The following SEMA3B variants were observed in gnomAD, a reference collection of about 807,000 sequenced individuals.
SEMA3B encodes the protein semaphorin-3B.
SEMA3B carries 71 observed loss-of-function variants against 77.8 expected under a neutral mutation model. That is an observed-to-expected ratio of 0.91 (90% CI 0.75 to 1.11). The LOEUF (loss-of-function observed/expected upper bound fraction) is 1.11. Among genes scored for constraint, SEMA3B ranks in the 50% most tolerant of loss-of-function variants. SEMA3B has a pLI of 0.00. For synonymous variants in SEMA3B, 470 were observed against 452.9 expected (o/e 1.04, Z -0.48); for missense variants, 968 against 1,056.8 (o/e 0.92, Z 1.17).
chr3:50,271,634 C>T (rs920733085), intron 6 of SEMA3B, among the ~76,000 whole-genome samples, 154 bp downstream of exon 6: 2 of 152,156 alleles, frequency 1.3e-5, no homozygotes, highest in Admixed American at 1.3e-4. Flanking sequence ...ACAGACAAGA[C>T]AGGTATGACC....
rs2109253512 is a variant in SEMA3B, at chr3:50,276,857, C to A, written c.*151C>A. 2 of 904,904 alleles carry A rather than the reference C, an allele frequency of 2.2e-6. No homozygotes were observed. The highest frequency in any genetic ancestry group is 1.8e-5 in the African/African-American group (1 of 56,210). 56.1% of individuals were successfully genotyped at this position (904,904 alleles called of 1,614,324 possible). ...ACCGACAGGCCCTGGCTGAGGGCAGCTGCGCGGGCTTATTTATTAACAGGA... is the reference window on the plus strand; with the variant it reads ...ACCGACAGGCCCTGGCTGAGGGCAGATGCGCGGGCTTATTTATTAACAGGA... On this transcript the variant is annotated 3_prime_UTR_variant, in exon 17 of 17. Coordinates refer to ENST00000616701, the MANE Select transcript of SEMA3B (RefSeq NM_001290060.2). The surrounding 1 kb of genome is among the most constrained non-coding windows in gnomAD (Gnocchi z 5.8).
At chr3:50,268,985 G>A, upstream of SEMA3B, 2 of 557,486 alleles carry the variant, frequency 3.6e-6, no homozygotes, top group South Asian at 4.1e-5. Context: ...CCCTGAGGGT[G>A]TGCCCAGTGG....
chr3:50,268,448 A>C (rs1700956712), upstream of SEMA3B, among the ~76,000 whole-genome samples: 1 of 152,224 alleles, frequency 6.6e-6, no homozygotes, highest in African/African-American at 2.4e-5. Flanking sequence ...AAATATGCAC[A>C]TATCACACAT....
rs782107049 is a variant in SEMA3B, at chr3:50,274,844, C to T, written c.1359C>T (p.Asp453=). The T allele has an allele frequency of 4.3e-6, 7 of 1,610,738 alleles. No homozygotes were observed. The African/African-American group carries it at 8.0e-5, about 18-fold the overall frequency. The change falls in exon 12 of 17, where the codon GAC becomes GAT. Residue 453 remains aspartate (D), a splice_region_variant and synonymous_variant. Transcript: ENST00000616701. The surrounding 1 kb of genome is among the most constrained non-coding windows in gnomAD (Gnocchi z 4.7). ...GHYDVLFIGT[D]VGTVLKVISV... ...CATTACCCCTTCTCATCCCTGCAGA[C>T]GTTGGCACGGTGCTGAAGGTGATCT...
In SEMA3B at chr3:50,274,574, T is replaced by C. The variant is rs1014835515; in HGVS notation, c.1349T>C (p.Ile450Thr). 2.0e-6 allele frequency: 3 copies of C among 1,536,470 alleles called. No homozygotes were observed. The highest frequency in any genetic ancestry group is 1.3e-5 in the South Asian group (1 of 77,480). Reference sequence around the variant, plus strand: ...GACGGACACTATGACGTCCTCTTCATTGGCACAGGTCAGGGTCCCTCCACA... The same window carrying C: ...GACGGACACTATGACGTCCTCTTCACTGGCACAGGTCAGGGTCCCTCCACA... ...AADGHYDVLF[I>T]GTDVGTVLKV... Residue 450 changes from isoleucine (I) to threonine (T), a missense_variant, in exon 11 of 17, where the codon ATT (isoleucine) becomes ACT (threonine). Physicochemically the swap from Ile to Thr is moderately conservative, Grantham distance 89. Transcript: ENST00000616701. The surrounding 1 kb of genome is among the most constrained non-coding windows in gnomAD (Gnocchi z 4.7).
Position 50,273,524 on chromosome 3 carries a change from C to G in SEMA3B, c.811-11C>G, listed in dbSNP as rs782752503. The G allele has an allele frequency of 2.5e-6, 4 of 1,611,802 alleles. No individual in the cohort carries two copies. In the East Asian group the frequency reaches 8.9e-5, roughly 36 times the overall value. On this transcript the variant is annotated splice_polypyrimidine_tract_variant and intron_variant, in intron 7 of 16. Transcript: ENST00000616701. This position sits in a 1 kb window ranked among gnomAD's most constrained non-coding sequence, Gnocchi z 6.5. Reference sequence around the variant, plus strand: ...TGGTCTCGCCCTCATCCCCTTTGATCGTCCCGGCAGAACGACGTGGGCGGC... The same window carrying G: ...TGGTCTCGCCCTCATCCCCTTTGATGGTCCCGGCAGAACGACGTGGGCGGC...
At position 50,276,295 on chromosome 3, in the gene SEMA3B, C is replaced by A; in HGVS notation, c.1846-7C>A. ...CACCCCCGCCTCACGCTGCCCTCTG[C>A]CCGCAGGTGCTGGCAGAGGAGCGCA... On this transcript the variant is annotated splice_region_variant and splice_polypyrimidine_tract_variant and intron_variant, in intron 16 of 16. Transcript: ENST00000616701. The surrounding 1 kb of genome is among the most constrained non-coding windows in gnomAD (Gnocchi z 5.8). 6.7e-7 allele frequency: 1 copy of A among 1,492,122 alleles called. No individual in the cohort carries two copies. The highest frequency in any genetic ancestry group is 8.9e-7 in the Non-Finnish European group (1 of 1,124,090). The allele number at this position is 1,492,122 out of a possible 1,614,324, so 92.4% of individuals were successfully genotyped here.
In SEMA3B at chr3:50,274,442, C is replaced by A. The variant is rs1340977639; in HGVS notation, c.1217C>A (p.Pro406His). Residue 406 changes from proline (P) to histidine (H), a missense_variant, in exon 11 of 17, where the codon CCC becomes CAC. Physicochemically the swap from Pro to His is moderately conservative, Grantham distance 77. Transcript: ENST00000616701. This position sits in a 1 kb window ranked among gnomAD's most constrained non-coding sequence, Gnocchi z 4.7. ...GTCATCCAGTTTGCGCGGAACCACC[C>A]CCTCATGTACAACTCTGTCCTGCCC... is the stretch of plus-strand genomic sequence containing the variant. ...DDVIQFARNH[P>H]LMYNSVLPTG... 4 of 1,528,098 alleles carry A rather than the reference C, an allele frequency of 2.6e-6. No homozygotes were observed. Among genetic ancestry groups the A allele is most frequent in the African/African-American group, 2.8e-5 (2 of 71,924 alleles). 94.7% of individuals were successfully genotyped at this position (1,528,098 alleles called of 1,614,324 possible).
Position 50,275,070 on chromosome 3 carries a change from G to C in SEMA3B, c.1491+17G>C. ...TCCAAGAGGGTGAGTGACCAGGATG[G>C]GGGTCGGGGTGGGATGGACTGAGCT... On this transcript the variant is annotated intron_variant, in intron 13 of 16. Transcript: ENST00000616701. The surrounding 1 kb of genome is among the most constrained non-coding windows in gnomAD (Gnocchi z 7.5). 5 of 1,572,272 alleles carry C rather than the reference G, an allele frequency of 3.2e-6. No homozygotes were observed. Among genetic ancestry groups the C allele is most frequent in the Non-Finnish European group, 4.3e-6 (5 of 1,155,092 alleles).
At position 50,273,893 on chromosome 3, in the gene SEMA3B, G is replaced by T. The variant is rs187731952; in HGVS notation, c.993-20G>T. 2 of 1,588,534 alleles carry T rather than the reference G, an allele frequency of 1.3e-6. No homozygotes were observed. The highest frequency in any genetic ancestry group is 2.7e-5 in the African/African-American group (2 of 74,228). On this transcript the variant is annotated intron_variant, in intron 9 of 16. Coordinates refer to ENST00000616701, the MANE Select transcript of SEMA3B (RefSeq NM_001290060.2). This position sits in a 1 kb window ranked among gnomAD's most constrained non-coding sequence, Gnocchi z 6.5. Reference sequence around the variant, plus strand: ...TGGGCTCCACCCGGCCCCTCACCTCGCCCTGGTCTTCGCCTCCAGCAGCAT... The same window carrying T: ...TGGGCTCCACCCGGCCCCTCACCTCTCCCTGGTCTTCGCCTCCAGCAGCAT...
Position 50,269,430 on chromosome 3 carries a change from G to A in SEMA3B, c.109+81G>A. ...CCGTATGGCCAGGGGGCTCTGTGTT[G>A]GCTGTTGCCCCATGTGCGTGCCTGT... is the stretch of plus-strand genomic sequence containing the variant. On this transcript the variant is annotated intron_variant, in intron 1 of 16. Transcript: ENST00000616701. The surrounding 1 kb of genome is among the most constrained non-coding windows in gnomAD (Gnocchi z 4.0). The A allele has an allele frequency of 1.2e-6, 1 of 851,490 alleles. No individual in the cohort carries two copies. Among genetic ancestry groups the A allele is most frequent in the Non-Finnish European group, 1.8e-6 (1 of 567,198 alleles). The allele number at this position is 851,490 out of a possible 1,614,324, so 52.7% of individuals were successfully genotyped here. A position where few individuals can be genotyped will look rare whatever the true frequency, so the allele number is the denominator to read the frequency against.
chr3:50,266,044 CGTTT>C (rs1158941848), upstream of SEMA3B, among the ~76,000 whole-genome samples: 1 of 152,010 alleles, frequency 6.6e-6, no homozygotes, highest in African/African-American at 2.4e-5. Context: ...TTTCTGATAC[CGTTT>C]CCCAGAGTGA....
Position 50,276,592 on chromosome 3 carries a change from GCAGCCTGCGCTGCAGTC to G in SEMA3B, c.2137_2153del (p.Gln713ThrfsTer11). On this transcript the variant is annotated frameshift_variant, in exon 17 of 17. Coordinates refer to ENST00000616701, the MANE Select transcript of SEMA3B (RefSeq NM_001290060.2). LOFTEE classifies it low-confidence loss of function (END_TRUNC). The surrounding 1 kb of genome is among the most constrained non-coding windows in gnomAD (Gnocchi z 5.8). ...CGAACTCCCTGCGCATGTGCCGCCC[GCAGCCTGCGCTGCAGTC>G]ACTGCCCCTGGAGTCGCGGAGAAAG... 1 of 1,570,132 alleles carries G rather than the reference GCAGCCTGCGCTGCAGTC, an allele frequency of 6.4e-7. No individual in the cohort carries two copies. Among genetic ancestry groups the G allele is most frequent in the East Asian group, 2.4e-5 (1 of 42,496 alleles).
chr3:50,273,273 G>A lies in SEMA3B; in HGVS notation c.665-25G>A. 1 of 1,607,998 alleles carries A rather than the reference G, an allele frequency of 6.2e-7. No individual in the cohort carries two copies. Among genetic ancestry groups the A allele is most frequent in the South Asian group, 1.1e-5 (1 of 90,180 alleles). The stretch of plus-strand genomic sequence containing the variant: ...TCAGGAGGCAAGGCCAGGACCCGCT[G>A]ACCCATGCCTCCTGCCGCGGTCAGA... On this transcript the variant is annotated intron_variant, in intron 6 of 16. Coordinates refer to ENST00000616701, the MANE Select transcript of SEMA3B (RefSeq NM_001290060.2). This position sits in a 1 kb window ranked among gnomAD's most constrained non-coding sequence, Gnocchi z 6.5.
In SEMA3B at chr3:50,270,632, G is replaced by A; in HGVS notation, c.330+137G>A. 1 of 1,236,878 alleles carries A rather than the reference G, an allele frequency of 8.1e-7. No individual in the cohort carries two copies. The highest frequency in any genetic ancestry group is 1.1e-6 in the Non-Finnish European group (1 of 888,450). The allele number at this position is 1,236,878 out of a possible 1,614,324, so 76.6% of individuals were successfully genotyped here. On this transcript the variant is annotated intron_variant, in intron 3 of 16. Coordinates refer to ENST00000616701, the MANE Select transcript of SEMA3B (RefSeq NM_001290060.2). The surrounding 1 kb of genome is among the most constrained non-coding windows in gnomAD (Gnocchi z 4.7). ...GTCGAGGTGGCTGAGGTCTGGGGGTGGTGAGTCAGGGTGGGGGCTCGTGTA... is the reference window on the plus strand; with the variant it reads ...GTCGAGGTGGCTGAGGTCTGGGGGTAGTGAGTCAGGGTGGGGGCTCGTGTA...
At position 50,270,350 on chromosome 3, in the gene SEMA3B, A is replaced by C; in HGVS notation, c.267+66A>C. The C allele has an allele frequency of 5.6e-6, 9 of 1,609,662 alleles. No homozygotes were observed. The highest frequency in any genetic ancestry group is 7.6e-6 in the Non-Finnish European group (9 of 1,176,662). On this transcript the variant is annotated intron_variant, in intron 2 of 16. Transcript: ENST00000616701. This position sits in a 1 kb window ranked among gnomAD's most constrained non-coding sequence, Gnocchi z 4.7. ...GCCCTGGGACCCCACTCCAGCCTGG[A>C]GAGACCCAGAGGAATGGCTCCCTGA...
rs1553706041 is a variant in SEMA3B, at chr3:50,274,054, C to T, written c.1134C>T (p.Gly378=). The T allele has an allele frequency of 6.2e-7, 1 of 1,613,344 alleles. No individual in the cohort carries two copies. The highest frequency in any genetic ancestry group is 8.5e-7 in the Non-Finnish European group (1 of 1,179,702). ...GTCGCGTCCCCTACCCGCGGCCAGG[C>T]ATGGTTCGTAGCCCAGGGACTTCTG... is the stretch of plus-strand genomic sequence containing the variant. ...YQGRVPYPRP[G]MCPSKTFGTF... Residue 378 remains glycine, a synonymous_variant, in exon 10 of 17, where the codon GGC becomes GGT. Transcript: ENST00000616701. This position sits in a 1 kb window ranked among gnomAD's most constrained non-coding sequence, Gnocchi z 4.7.
rs1701009918 is a variant in SEMA3B at position 50,270,238 on chromosome 3, A to T, written c.221A>T (p.His74Leu). 6.2e-7 allele frequency: 1 copy of T among 1,612,968 alleles called. No homozygotes were observed. Residue 74 changes from histidine to leucine, a missense_variant, in exon 2 of 17, where the codon CAT (histidine) becomes CTT (leucine). Coordinates refer to ENST00000616701, the MANE Select transcript of SEMA3B (RefSeq NM_001290060.2). The surrounding 1 kb of genome is among the most constrained non-coding windows in gnomAD (Gnocchi z 4.7). ...CGCCTGTTTGTGGGTGCCGAGAACC[A>T]TGTGGCCTCCCTCAACCTGGACAAC... Reference protein sequence around the residue: ...RGRLFVGAENHVASLNLDNIS... With the variant: ...RGRLFVGAENLVASLNLDNIS...
In SEMA3B at chr3:50,276,109, C is replaced by T; in HGVS notation, c.1846-193C>T. ...CACCCCCCACCAAGTTCATGTAAAC[C>T]CCGCCTCTTTCGGATTCTCCCTTGA... On this transcript the variant is annotated intron_variant, in intron 16 of 16. Transcript: ENST00000616701. This position sits in a 1 kb window ranked among gnomAD's most constrained non-coding sequence, Gnocchi z 5.8. 1 of 851,872 alleles carries T rather than the reference C, an allele frequency of 1.2e-6. No individual in the cohort carries two copies. 52.8% of individuals were successfully genotyped at this position (851,872 alleles called of 1,614,324 possible).
Sources: allele counts gnomAD v4.1 joint callset (sites outside exome capture counted in the v4.1 genomes callset), GRCh38; gene constraint gnomAD v4.1.1; non-coding constraint Gnocchi (gnomAD v3.1); transcripts MANE v1.5; gene names NCBI Gene and HGNC (gene_info 2026-07-23, HGNC 2026-07-21).